Variants in TENM2 observed in about 807,000 individuals in gnomAD.
The protein encoded by TENM2 is teneurin-2.
A neutral mutation model predicts 245.2 loss-of-function variants in TENM2; 52 were observed. That is an observed-to-expected ratio of 0.21 (90% CI 0.17 to 0.27). The LOEUF (loss-of-function observed/expected upper bound fraction) is 0.27, where lower values mean the gene tolerates loss of function less well. TENM2 is among the 10% of genes least tolerant of loss of function. TENM2 has a pLI of 1.00. For missense variants in TENM2, 3,046 were observed against 3,666.8 expected, an observed-to-expected ratio of 0.83 and a Z score of 4.37; for synonymous variants, 1,363 against 1,438.9, an observed-to-expected ratio of 0.95 and a Z score of 1.19.
intron 2 of TENM2, among the ~76,000 whole-genome samples, chr5:167,826,041 C>A (rs2151066360): frequency 6.6e-6 from 1 of 152,136 alleles, no homozygotes; most frequent in South Asian, 2.1e-4. Flanking sequence ...TTCTCTCCAC[C>A]CCAAGCTGCT....
intron 1 of TENM2, among the ~76,000 whole-genome samples, chr5:167,332,829 T>C (rs1757539134): frequency 6.6e-6 from 1 of 152,200 alleles, no homozygotes; most frequent in African/African-American, 2.4e-5. Context: ...TCCTACTTAT[T>C]ACAGTAAAAT....
chr5:167,582,756 T>C (rs951143209), intron 2 of TENM2, among the ~76,000 whole-genome samples: 1 of 152,158 alleles, frequency 6.6e-6, no homozygotes. Context: ...GAAGCTTTTT[T>C]GAGGATTTTT....
intron 5 of TENM2, among the ~76,000 whole-genome samples, chr5:168,036,677 GTATA>G (rs60784450): frequency 0.034 from 4,060 of 117,782 alleles, 205 homozygotes; most frequent in African/African-American, 0.069. Flanking sequence ...ATATGTATGT[GTATA>G]TATATATATA....
intron 2 of TENM2, among the ~76,000 whole-genome samples, chr5:167,405,521 C>T (rs908984447): frequency 1.3e-5 from 2 of 151,892 alleles, no homozygotes; most frequent in African/African-American, 4.8e-5. Context: ...TCCCAAGGAG[C>T]TCTTATATAT....
At chr5:167,155,070 A>G in the TENM2 span, among the ~76,000 whole-genome samples, 40 of 152,354 alleles carry the variant, frequency 2.6e-4, no homozygotes, top group Middle Eastern at 6.8e-3. Flanking sequence ...GAATTGGTAA[A>G]GACAAAATTC....
chr5:168,185,940 A>T (rs373399827), intron 13 of TENM2, among the ~76,000 whole-genome samples: 2 of 4,750 alleles, frequency 4.2e-4, no homozygotes, highest in South Asian at 3.9e-3. Context: ...ATATATATAT[A>T]TATATATATA....
intron 3 of TENM2, among the ~76,000 whole-genome samples, chr5:167,907,131 C>G (rs950592355): frequency 2.6e-5 from 4 of 152,030 alleles, no homozygotes; most frequent in African/African-American, 9.7e-5. Context: ...ACTCGGGAGG[C>G]TGAGGCAGGA....
At chr5:167,063,127 T>C in the TENM2 span, among the ~76,000 whole-genome samples, 1 of 152,318 alleles carries the variant, frequency 6.6e-6, no homozygotes, top group African/African-American at 2.4e-5. Flanking sequence ...ACTCCCTGTA[T>C]TTCAAGTATA....
the TENM2 span, among the ~76,000 whole-genome samples, chr5:167,084,327 T>TTTTATA: frequency 9.5e-4 from 22 of 23,180 alleles, no homozygotes; most frequent in South Asian, 2.5e-3. Flanking sequence ...GCCATTTTAG[T>TTTTATA]TATATATATA....
chr5:167,720,903 T>A (rs1287798319), intron 2 of TENM2, among the ~76,000 whole-genome samples: 1 of 152,198 alleles, frequency 6.6e-6, no homozygotes, highest in Non-Finnish European at 1.5e-5. Context: ...GGATCTGGAA[T>A]GAACTCTATG....
chr5:168,008,910 G>A (rs1262894390), intron 5 of TENM2, among the ~76,000 whole-genome samples: 5 of 152,198 alleles, frequency 3.3e-5, no homozygotes, highest in East Asian at 3.9e-4. Context: ...ATCTCTGCAC[G>A]GTTTCTTTAT....
the TENM2 span, among the ~76,000 whole-genome samples, chr5:167,026,568 T>C: frequency 6.6e-6 from 1 of 152,170 alleles, no homozygotes; most frequent in Non-Finnish European, 1.5e-5. Context: ...TTCTGATCCG[T>C]TTCAATGTTA....
chr5:167,426,233 A>G, intron 2 of TENM2, among the ~76,000 whole-genome samples: 1 of 152,214 alleles, frequency 6.6e-6, no homozygotes, highest in Non-Finnish European at 1.5e-5. Context: ...GATATGAGCC[A>G]TGCAATATAA....
intron 2 of TENM2, among the ~76,000 whole-genome samples, chr5:167,572,557 G>T (rs967472667): frequency 6.6e-6 from 1 of 152,236 alleles, no homozygotes; most frequent in South Asian, 2.1e-4. Flanking sequence ...ACCATGAAAG[G>T]TAAGCAGTCA....
At chr5:167,211,217 C>T in the TENM2 span, among the ~76,000 whole-genome samples, 24 of 152,344 alleles carry the variant, frequency 1.6e-4, no homozygotes, top group Non-Finnish European at 3.2e-4. Flanking sequence ...ATCACAGTGA[C>T]TATCGTGGCT....
At chr5:167,185,478 A>T in the TENM2 span, among the ~76,000 whole-genome samples, 1 of 152,110 alleles carries the variant, frequency 6.6e-6, no homozygotes, top group East Asian at 1.9e-4. Flanking sequence ...TGAGGCTTTT[A>T]TATGTTTCAA....
At chr5:167,314,775 A>T (rs561000539) in intron 1 of TENM2, among the ~76,000 whole-genome samples, 1 of 152,220 alleles carries the variant, frequency 6.6e-6, no homozygotes, top group South Asian at 2.1e-4. Context: ...TGCTACATGT[A>T]GCCTTAATAT....
At chr5:167,753,034 G>A (rs1762062073) in intron 2 of TENM2, among the ~76,000 whole-genome samples, 1 of 152,046 alleles carries the variant, frequency 6.6e-6, no homozygotes, top group Non-Finnish European at 1.5e-5. Flanking sequence ...TGTACCCCGT[G>A]GTTTCTACAA....
intron 1 of TENM2, among the ~76,000 whole-genome samples, chr5:167,372,445 C>T (rs1196038999): frequency 1.3e-5 from 2 of 152,232 alleles, no homozygotes; most frequent in Non-Finnish European, 2.9e-5. Flanking sequence ...CCCACTGTTA[C>T]CTCTGGAACC....
Sources: gnomAD v4.1 joint callset for allele counts (sites outside exome capture counted in the v4.1 genomes callset) on GRCh38, gnomAD v4.1.1 for gene constraint, MANE v1.5 for transcripts, NCBI Gene and HGNC (gene_info 2026-07-23, HGNC 2026-07-21) for gene names.